SLC14A1: variants seen among roughly 807,000 people sequenced by gnomAD.
SLC14A1 encodes solute carrier family 14 member 1 (Kidd blood group).
SLC14A1 carries 36 observed loss-of-function variants against 39.6 expected under a neutral mutation model. The observed-to-expected ratio is 0.91, with a 90% CI of 0.70 to 1.20. The LOEUF (loss-of-function observed/expected upper bound fraction) is 1.20, where lower values mean the gene tolerates loss of function less well. Among genes scored for constraint, SLC14A1 ranks in the 50% most tolerant of loss-of-function variants. The probability of loss-of-function intolerance (pLI) is 0.00; values close to 1 mark genes in which losing one functional copy is unlikely to be tolerated. For synonymous variants in SLC14A1, 164 were observed against 173.6 expected, an observed-to-expected ratio of 0.94 and a Z score of 0.43; for missense variants, 469 against 478.7, an observed-to-expected ratio of 0.98 and a Z score of 0.19.
At chr18:45,729,144 G>A (rs779397767) in intron 2 of SLC14A1, 8 of 152,200 alleles carry the variant, frequency 5.3e-5, no homozygotes, top group Non-Finnish European at 1.0e-4. Flanking sequence ...TGGGCTTTCA[G>A]TGTTTCTTTG....
chr18:45,730,545 T>A, intron 3 of SLC14A1, 74 bp downstream of exon 3: 1 of 1,494,338 alleles, frequency 6.7e-7, no homozygotes, highest in African/African-American at 1.4e-5. Context: ...TACTTCTACT[T>A]ATACCTTTAG....
At chr18:45,726,472 T>G (rs537236822) in intron 2 of SLC14A1, among the ~76,000 whole-genome samples, 1 of 152,192 alleles carries the variant, frequency 6.6e-6, no homozygotes, top group Non-Finnish European at 1.5e-5. Context: ...CTAAAAACTG[T>G]TTATTATTAA....
At chr18:45,734,549 G>A (rs2047129450) in intron 5 of SLC14A1, 147 bp downstream of exon 5, 1 of 908,656 alleles carries the variant, frequency 1.1e-6, no homozygotes, top group Non-Finnish European at 1.7e-6. Flanking sequence ...GTACAACAAT[G>A]TGATTGTCCT....
intron 5 of SLC14A1, 68 bp downstream of exon 5, chr18:45,734,470 G>A (rs965751942): frequency 3.9e-6 from 6 of 1,544,086 alleles, no homozygotes; most frequent in Non-Finnish European, 5.4e-6. Context: ...GGGAATGGGA[G>A]TTGTTATATG....
chr18:45,735,351 T>C (rs1157746972), intron 5 of SLC14A1, among the ~76,000 whole-genome samples: 2 of 152,194 alleles, frequency 1.3e-5, no homozygotes, highest in Admixed American at 1.3e-4. Context: ...GAATTTGCGT[T>C]TCTAACGCAT....
At position 45,750,787 on chromosome 18, in the gene SLC14A1, T is replaced by A. The variant is rs2047682941; in HGVS notation, c.*836T>A. The A allele has an allele frequency of 1.0e-6, 1 of 984,910 alleles. No individual in the cohort carries two copies. The highest frequency in any genetic ancestry group is 1.2e-6 in the Non-Finnish European group (1 of 829,612). The allele number at this position is 984,910 out of a possible 1,614,324, so 61.0% of individuals were successfully genotyped here. On this transcript the variant is annotated 3_prime_UTR_variant, in exon 10 of 10. Coordinates refer to ENST00000321925, the MANE Select transcript of SLC14A1 (RefSeq NM_015865.7). ...TTACTGTATTTATGAAATACTCAGC[T>A]TAGGCATTTTTACTTTAACCCCTAA... is the stretch of plus-strand genomic sequence containing the variant.
intron 6 of SLC14A1, among the ~76,000 whole-genome samples, chr18:45,737,073 T>G (rs1011085689): frequency 4.6e-5 from 7 of 152,228 alleles, no homozygotes; most frequent in African/African-American, 1.7e-4. Context: ...CTATTCTGCT[T>G]TTCCTTATGG....
intron 4 of SLC14A1, among the ~76,000 whole-genome samples, chr18:45,732,645 A>C (rs528825771): frequency 5.9e-5 from 9 of 152,268 alleles, no homozygotes; most frequent in Admixed American, 5.9e-4. Context: ...CAGCCCCTGC[A>C]GTGTGGCTCA....
chr18:45,735,090 G>T (rs945959670), intron 5 of SLC14A1, among the ~76,000 whole-genome samples: 1 of 152,152 alleles, frequency 6.6e-6, no homozygotes, highest in Non-Finnish European at 1.5e-5. Flanking sequence ...TGATGCACGT[G>T]GCCCCCACAT....
At chr18:45,739,787 C>A in intron 8 of SLC14A1, 125 bp downstream of exon 8, 1 of 1,264,146 alleles carries the variant, frequency 7.9e-7, no homozygotes, top group Non-Finnish European at 1.1e-6. Flanking sequence ...CACTTGCTGT[C>A]TAAGTGTGTG....
At chr18:45,735,271 T>G (rs941843162) in intron 5 of SLC14A1, among the ~76,000 whole-genome samples, 2 of 152,208 alleles carry the variant, frequency 1.3e-5, no homozygotes, top group African/African-American at 4.8e-5. Context: ...CCTGCAGGGT[T>G]TGTTACACCA....
Position 45,730,300 on chromosome 18 carries a change from G to A in SLC14A1, c.-21G>A. 15 of 1,611,576 alleles carry A rather than the reference G, an allele frequency of 9.3e-6. No individual in the cohort carries two copies. Among genetic ancestry groups the A allele is most frequent in the East Asian group, 2.2e-5 (1 of 44,812 alleles). On this transcript the variant is annotated splice_region_variant and 5_prime_UTR_variant, in exon 3 of 10. Coordinates refer to ENST00000321925, the MANE Select transcript of SLC14A1 (RefSeq NM_015865.7). ...TTATAAGCTCTGTCCTTCCCTCAAGGAGCCAGAGGAAGAGATAGCCATGGA... is the reference window on the plus strand; with the variant it reads ...TTATAAGCTCTGTCCTTCCCTCAAGAAGCCAGAGGAAGAGATAGCCATGGA...
At chr18:45,740,230 A>G (rs1017167966) in intron 8 of SLC14A1, among the ~76,000 whole-genome samples, 1 of 152,234 alleles carries the variant, frequency 6.6e-6, no homozygotes, top group Middle Eastern at 3.2e-3. Flanking sequence ...CTAAACGGGA[A>G]TAACTCCAGC....
At chr18:45,728,489 G>A (rs28994279) in intron 2 of SLC14A1, among the ~76,000 whole-genome samples, 1,537 of 152,236 alleles carry the variant, frequency 0.01, 29 homozygotes, top group African/African-American at 0.035. Flanking sequence ...CTGAGCTGAA[G>A]CCTGATGCCT....
At chr18:45,738,880 C>G (rs1415849146) in intron 6 of SLC14A1, among the ~76,000 whole-genome samples, 1 of 152,044 alleles carries the variant, frequency 6.6e-6, no homozygotes, top group African/African-American at 2.4e-5. Flanking sequence ...TTAACAGTGA[C>G]CAAGGCCAAG....
At chr18:45,740,144 G>A (rs1322798357) in intron 8 of SLC14A1, among the ~76,000 whole-genome samples, 2 of 152,230 alleles carry the variant, frequency 1.3e-5, no homozygotes, top group South Asian at 4.1e-4. Flanking sequence ...GGGATGGCAA[G>A]GACCTCAGCT....
In SLC14A1 at chr18:45,749,820, C is replaced by G. The variant is rs759312861; in HGVS notation, c.1039C>G (p.Leu347Val). 7 of 1,614,176 alleles carry G rather than the reference C, an allele frequency of 4.3e-6. No homozygotes were observed. In the East Asian group the frequency reaches 1.6e-4, roughly 36 times the overall value. ...ACTWPFCLAT[L>V]LFLIMTTKNS... ...TACCTGGCCCTTCTGTTTGGCCACG[C>G]TATTGTTCCTCATCATGACCACAAA... Residue 347 changes from leucine (L) to valine (V), a missense_variant, in exon 10 of 10, where the codon CTA becomes GTA. Physicochemically the swap from Leu to Val is conservative, Grantham distance 32 (BLOSUM62 1). Transcript: ENST00000321925.
At position 45,749,822 on chromosome 18, in the gene SLC14A1, A is replaced by C; in HGVS notation, c.1041A>C (p.Leu347=). The C allele has an allele frequency of 1.2e-6, 2 of 1,614,128 alleles. No homozygotes were observed. The highest frequency in any genetic ancestry group is 1.7e-6 in the Non-Finnish European group (2 of 1,180,012). ...ACTWPFCLAT[L]LFLIMTTKNS... is the part of the protein sequence containing the mutation. ...CCTGGCCCTTCTGTTTGGCCACGCT[A>C]TTGTTCCTCATCATGACCACAAAAA... The change falls in exon 10 of 10, where the codon CTA becomes CTC. Residue 347 remains leucine (L), a synonymous_variant. Transcript: ENST00000321925.
chr18:45,747,195 T>C (rs745829499), intron 8 of SLC14A1: 2 of 152,102 alleles, frequency 1.3e-5, no homozygotes, highest in Non-Finnish European at 2.9e-5. Flanking sequence ...TGTGTGGCCA[T>C]TATATGAAGG....
Sources: allele counts gnomAD v4.1 joint callset (sites outside exome capture counted in the v4.1 genomes callset), GRCh38; gene constraint gnomAD v4.1.1; transcripts MANE v1.5; gene names NCBI Gene and HGNC (gene_info 2026-07-23, HGNC 2026-07-21).